The following GPBP1L1 variants were observed in gnomAD, a reference collection of about 807,000 sequenced individuals.
GPBP1L1 encodes the protein GC-rich promoter binding protein 1 like 1.
In GPBP1L1, 23 loss-of-function variants were observed where a neutral mutation model predicts 52.5. The ratio of observed to expected loss-of-function variants is 0.44; its 90% CI spans 0.32 to 0.62. GPBP1L1 has a LOEUF of 0.62. GPBP1L1 is among the 20% of genes least tolerant of loss of function. The pLI is 0.06. For missense variants in GPBP1L1, 596 were observed against 579.3 expected (o/e 1.03, Z -0.30); for synonymous variants, 243 against 203.1 (o/e 1.20, Z -1.67).
intron 10 of GPBP1L1, among the ~76,000 whole-genome samples, chr1:45,633,205 C>T (rs1261602579): frequency 6.6e-6 from 1 of 152,178 alleles, no homozygotes; most frequent in Non-Finnish European, 1.5e-5. Context: ...AAAACCTGCA[C>T]ATGGATGTTT....
At chr1:45,675,234 T>G (rs1223641691) in intron 2 of GPBP1L1, among the ~76,000 whole-genome samples, 1 of 151,742 alleles carries the variant, frequency 6.6e-6, no homozygotes, top group African/African-American at 2.4e-5. Flanking sequence ...GAGGCGGAGG[T>G]TGCAGTGAGC....
chr1:45,676,244 A>C (rs2148512430), intron 2 of GPBP1L1, among the ~76,000 whole-genome samples: 1 of 152,320 alleles, frequency 6.6e-6, no homozygotes, highest in Admixed American at 6.5e-5. Flanking sequence ...TCTTTCAATG[A>C]ACCAAAAGGG....
intron 2 of GPBP1L1, among the ~76,000 whole-genome samples, chr1:45,662,529 T>C (rs956954546): frequency 5.3e-5 from 8 of 152,172 alleles, no homozygotes; most frequent in Non-Finnish European, 1.0e-4. Flanking sequence ...TTGGAAGATA[T>C]TTCTCATATA....
intron 10 of GPBP1L1, 64 bp downstream of exon 10, chr1:45,633,425 A>G: frequency 1.3e-6 from 2 of 1,538,966 alleles, no homozygotes; most frequent in Non-Finnish European, 1.8e-6. Context: ...TTTAAGAAGA[A>G]GAAATCACGT....
intron 2 of GPBP1L1, among the ~76,000 whole-genome samples, chr1:45,664,133 C>T (rs1254923412): frequency 6.6e-6 from 1 of 151,906 alleles, no homozygotes; most frequent in African/African-American, 2.4e-5. Flanking sequence ...GAAATCGAGA[C>T]CATGGTAAAA....
At position 45,642,429 on chromosome 1, in the gene GPBP1L1, C is replaced by G; in HGVS notation, c.548G>C (p.Trp183Ser). 1.2e-6 allele frequency: 2 copies of G among 1,611,896 alleles called. No individual in the cohort carries two copies. The highest frequency in any genetic ancestry group is 1.7e-6 in the Non-Finnish European group (2 of 1,178,322). ...CRPIGTPSGV[W>S]ENPPSAKQPS... ...TTAAAATGGCAAAATCTACCTACCC[C>G]ATACTCCAGAAGGTGTCCCAATAGG... The change falls in exon 7 of 13, where the codon TGG (tryptophan) becomes TCG (serine). Residue 183 changes from tryptophan to serine, a missense_variant and splice_region_variant. Physicochemically the swap from Trp to Ser is radical, Grantham distance 177. Transcript: ENST00000355105.
At chr1:45,648,453 G>A (rs893879731) in intron 6 of GPBP1L1, among the ~76,000 whole-genome samples, 2 of 152,084 alleles carry the variant, frequency 1.3e-5, no homozygotes, top group Non-Finnish European at 2.9e-5. Context: ...AACTACTCCC[G>A]ATTAACTGCT....
chr1:45,669,306 T>C (rs6690926), intron 2 of GPBP1L1, among the ~76,000 whole-genome samples: 43,591 of 152,052 alleles, frequency 0.29, 6,389 homozygotes, highest in South Asian at 0.37. Context: ...GCTGAGACAA[T>C]AGGCGCATGC....
intron 2 of GPBP1L1, among the ~76,000 whole-genome samples, chr1:45,664,904 C>A (rs1326857429): frequency 6.6e-6 from 1 of 152,052 alleles, no homozygotes; most frequent in Admixed American, 6.6e-5. Flanking sequence ...GTCTTGAACT[C>A]CTGACTTGAA....
chr1:45,630,467 G>A lies in GPBP1L1; in HGVS notation c.1169+15C>T. The A allele has an allele frequency of 6.2e-7, 1 of 1,613,296 alleles. No homozygotes were observed. The highest frequency in any genetic ancestry group is 2.2e-5 in the East Asian group (1 of 44,866). On this transcript the variant is annotated intron_variant, in intron 11 of 12. Transcript: ENST00000355105. The stretch of plus-strand genomic sequence containing the variant: ...GGTCAGACACTGCATGCCCTGTGAT[G>A]TCCTCCTCACTTACCTGTGCTCTGC...
Position 45,627,722 on chromosome 1 carries a change from AAG to A in GPBP1L1, c.*532_*533del, listed in dbSNP as rs1491162106. 2 of 111,528 alleles carry A rather than the reference AAG, an allele frequency of 1.8e-5. No homozygotes were observed. The highest frequency in any genetic ancestry group is 8.6e-5 in the Admixed American group (1 of 11,604). The allele number at this position is 111,528 out of a possible 1,614,324, so 6.9% of individuals were successfully genotyped here. ...TTTACAGCTGTACCCAAAAAGGAAA[AAG>A]AAAAAAAAAACAAAAAAAAACAACC... On this transcript the variant is annotated 3_prime_UTR_variant, in exon 13 of 13. Coordinates refer to ENST00000355105, the MANE Select transcript of GPBP1L1 (RefSeq NM_021639.5).
intron 2 of GPBP1L1, among the ~76,000 whole-genome samples, chr1:45,681,406 A>G (rs989990861): frequency 9.9e-5 from 15 of 152,248 alleles, no homozygotes; most frequent in African/African-American, 3.6e-4. Context: ...TTTCTTCAAC[A>G]AAGTACAAGG....
intron 2 of GPBP1L1, among the ~76,000 whole-genome samples, chr1:45,677,729 A>G (rs943258199): frequency 2.6e-5 from 4 of 152,234 alleles, no homozygotes; most frequent in African/African-American, 9.7e-5. Flanking sequence ...GACATAATAT[A>G]AAGCACAATA....
In GPBP1L1 at chr1:45,633,491, C is replaced by T; in HGVS notation, c.1042G>A (p.Asp348Asn). ...SENRDCDKLE[D>N]LEDNSTPEPK... The stretch of plus-strand genomic sequence containing the variant: ...CCAGAAAAGGCGGATGCTCTTACAT[C>T]TTCCAGCTTGTCACAGTCTCTATTC... The change falls in exon 10 of 13, where the codon GAT becomes AAT. Residue 348 changes from aspartate to asparagine, a missense_variant and splice_region_variant. Transcript: ENST00000355105. 1.9e-6 allele frequency: 3 copies of T among 1,613,858 alleles called. No homozygotes were observed. The South Asian group carries it at 3.3e-5, about 18-fold the overall frequency.
At chr1:45,680,091 TA>T (rs1361872780) in intron 2 of GPBP1L1, among the ~76,000 whole-genome samples, 2 of 151,976 alleles carry the variant, frequency 1.3e-5, no homozygotes, top group Non-Finnish European at 2.9e-5. Context: ...ACAAAATAAA[TA>T]AACTTTTATC....
chr1:45,686,632 C>G (rs1645291510), upstream of GPBP1L1: 2 of 152,520 alleles, frequency 1.3e-5, no homozygotes, highest in South Asian at 4.1e-4. Context: ...CTTACACACG[C>G]CCACCTGAAG....
At chr1:45,662,516 A>G (rs1192296509) in intron 2 of GPBP1L1, among the ~76,000 whole-genome samples, 1 of 152,144 alleles carries the variant, frequency 6.6e-6, no homozygotes, top group Non-Finnish European at 1.5e-5. Context: ...GGTAAATCTT[A>G]GTTTGGAAGA....
intron 2 of GPBP1L1, among the ~76,000 whole-genome samples, chr1:45,680,568 C>A (rs1410532169): frequency 1.3e-5 from 2 of 151,828 alleles, no homozygotes; most frequent in Non-Finnish European, 2.9e-5. Context: ...TAAAAAGAAT[C>A]ATTTAAAAGC....
Position 45,640,224 on chromosome 1 carries a change from G to T in GPBP1L1, c.730C>A (p.Pro244Thr), listed in dbSNP as rs1402923801. The part of the protein sequence containing the change: ...VYKNLVPKPV[P>T]PPSKPNAWKA... The stretch of plus-strand genomic sequence containing the variant: ...CTAAATCATACCTTGGAAGGAGGTG[G>T]TACAGGCTTAGGAACCAGGTTCTTA... Residue 244 changes from proline (P) to threonine (T), a missense_variant, in exon 8 of 13, where the codon CCA becomes ACA. Transcript: ENST00000355105. 1.2e-6 allele frequency: 2 copies of T among 1,613,590 alleles called. No homozygotes were observed. The highest frequency in any genetic ancestry group is 4.5e-5 in the East Asian group (2 of 44,878).
Sources: gnomAD v4.1 joint callset for allele counts (sites outside exome capture counted in the v4.1 genomes callset) on GRCh38, gnomAD v4.1.1 for gene constraint, MANE v1.5 for transcripts, NCBI Gene and HGNC (gene_info 2026-07-23, HGNC 2026-07-21) for gene names.